Variants in CDHR3 observed in about 807,000 individuals in gnomAD.
The protein encoded by CDHR3 is cadherin-related family member 3.
In CDHR3, 79 loss-of-function variants were observed where a neutral mutation model predicts 86.6. The observed-to-expected ratio is 0.91, with a 90% CI of 0.76 to 1.10. CDHR3 has a LOEUF of 1.10. CDHR3 is among the 50% of genes least tolerant of loss of function. The pLI is 0.00. For missense variants in CDHR3, 1,081 were observed against 1,077.6 expected (o/e 1.00, Z -0.04); for synonymous variants, 421 against 402.4 (o/e 1.05, Z -0.55).
rs59804877 is a variant in CDHR3 at position 106,028,116 on chromosome 7, TTAAAATAAAATAAAATAAAATAAAA to T, written c.2273-394_2273-370del. Among the ~76,000 whole-genome samples, 474 of 120,282 alleles carry T rather than the reference TTAAAATAAAATAAAATAAAATAAAA, an allele frequency of 3.9e-3. 2 individuals carry two copies. Among genetic ancestry groups the T allele is most frequent in the South Asian group, 6.0e-3 (20 of 3,334 alleles). 78.9% of individuals were successfully genotyped at this position (120,282 alleles called of 152,430 possible). On this transcript the variant is annotated intron_variant, in intron 16 of 18. Coordinates refer to ENST00000317716, the MANE Select transcript of CDHR3 (RefSeq NM_152750.5). Reference sequence around the variant, plus strand: ...TGGACGACAAGAGTGAGACCCTGTCTTAAAATAAAATAAAATAAAATAAAATAAAATAAAATAAAATAAAATAAAA... The same window carrying T: ...TGGACGACAAGAGTGAGACCCTGTCTTAAAATAAAATAAAATAAAATAAAA...
intron 10 of CDHR3, 170 bp from the exon 11 acceptor site, chr7:106,015,757 T>C (rs1482888930): frequency 1.5e-6 from 1 of 667,426 alleles, no homozygotes; most frequent in East Asian, 2.8e-5. Flanking sequence ...CTCATGCGCT[T>C]ATCAAAGGGT....
intron 6 of CDHR3, among the ~76,000 whole-genome samples, chr7:105,999,618 G>A (rs1832817011): frequency 1.3e-5 from 2 of 152,204 alleles, no homozygotes; most frequent in Non-Finnish European, 2.9e-5. Flanking sequence ...TGAGAAGGAA[G>A]GAGGGATGAT....
intron 6 of CDHR3, among the ~76,000 whole-genome samples, chr7:105,997,449 G>C (rs141140503): frequency 4.7e-4 from 72 of 152,308 alleles, no homozygotes; most frequent in African/African-American, 1.7e-3. Context: ...ATCAGCACCT[G>C]ATGCTGGGTT....
intron 2 of CDHR3, among the ~76,000 whole-genome samples, chr7:105,980,327 C>G (rs1041148190): frequency 6.6e-6 from 1 of 152,126 alleles, no homozygotes; most frequent in Non-Finnish European, 1.5e-5. Flanking sequence ...CCTGCAGCAA[C>G]CTTACGCGTA....
intron 3 of CDHR3, among the ~76,000 whole-genome samples, chr7:105,983,892 C>T (rs1830148453): frequency 6.6e-6 from 1 of 152,128 alleles, no homozygotes; most frequent in Non-Finnish European, 1.5e-5. Context: ...CAACTCTCTG[C>T]CCTATCACCT....
In CDHR3 at chr7:106,012,858, A is replaced by G. The variant is rs374455959; in HGVS notation, c.1053-2A>G. 3.1e-6 allele frequency: 5 copies of G among 1,593,262 alleles called. No individual in the cohort carries two copies. Among genetic ancestry groups the G allele is most frequent in the Non-Finnish European group, 4.3e-6 (5 of 1,171,034 alleles). ...AAATACTGGATTGTGTCTTTTCACCAGCATTATGGTGCCGGAAAGAACAGC... is the reference window on the plus strand; with the variant it reads ...AAATACTGGATTGTGTCTTTTCACCGGCATTATGGTGCCGGAAAGAACAGC... On this transcript the variant is annotated splice_acceptor_variant, in intron 8 of 18. Coordinates refer to ENST00000317716, the MANE Select transcript of CDHR3 (RefSeq NM_152750.5). LOFTEE classifies it high-confidence loss of function.
intron 2 of CDHR3, among the ~76,000 whole-genome samples, chr7:105,975,393 A>C (rs932886138): frequency 1.3e-5 from 2 of 152,148 alleles, no homozygotes; most frequent in Non-Finnish European, 2.9e-5. Flanking sequence ...GATCTCCCTA[A>C]AAGCCATGCC....
At chr7:106,019,186 G>A (rs1033610229) in intron 12 of CDHR3, among the ~76,000 whole-genome samples, 7 of 152,152 alleles carry the variant, frequency 4.6e-5, no homozygotes, top group African/African-American at 1.7e-4. Context: ...CCAATTTTCC[G>A]AGGGAGTCTG....
rs760242300 is a variant in CDHR3, at chr7:105,969,397, C to CAAAA, written c.47-5427_47-5424dup. The stretch of plus-strand genomic sequence containing the variant: ...CCTGGGCGACAGCGAGACTCCGTCT[C>CAAAA]AAAAAAAAAAAAAAAAAAAAAAAGT... On this transcript the variant is annotated intron_variant, in intron 1 of 18. Coordinates refer to ENST00000317716, the MANE Select transcript of CDHR3 (RefSeq NM_152750.5). 2.9e-3 allele frequency among the ~76,000 whole-genome samples: 229 copies of CAAAA among 79,768 alleles called. 3 individuals are homozygous for CAAAA. Among genetic ancestry groups the CAAAA allele is most frequent in the African/African-American group, 0.011 (194 of 18,456 alleles). 52.3% of individuals were successfully genotyped at this position (79,768 alleles called of 152,430 possible).
At chr7:105,995,324 A>G (rs1443070855) in intron 5 of CDHR3, among the ~76,000 whole-genome samples, 1 of 152,264 alleles carries the variant, frequency 6.6e-6, no homozygotes, top group African/African-American at 2.4e-5. Flanking sequence ...ATACTTCATC[A>G]GCACATAAAT....
chr7:106,021,351 CTG>C (rs2115882469), intron 13 of CDHR3, among the ~76,000 whole-genome samples: 1 of 152,322 alleles, frequency 6.6e-6, no homozygotes, highest in East Asian at 1.9e-4. Context: ...CTCGAGCTGG[CTG>C]TGTCACAAAA....
intron 6 of CDHR3, among the ~76,000 whole-genome samples, chr7:105,999,370 G>T (rs1299483793): frequency 6.6e-6 from 1 of 152,170 alleles, no homozygotes; most frequent in Non-Finnish European, 1.5e-5. Context: ...GGGGATCTGG[G>T]TTCCTGGAGC....
At chr7:105,990,932 G>T (rs977315609) in intron 4 of CDHR3, among the ~76,000 whole-genome samples, 9 of 152,172 alleles carry the variant, frequency 5.9e-5, no homozygotes, top group African/African-American at 2.2e-4. Flanking sequence ...GGAAGGATGG[G>T]CTTCTTGTCT....
intron 6 of CDHR3, among the ~76,000 whole-genome samples, chr7:105,997,668 T>C (rs1184469228): frequency 6.6e-6 from 1 of 151,918 alleles, no homozygotes; most frequent in East Asian, 1.9e-4. Context: ...TCCCCACAAG[T>C]CCCATCTGGG....
chr7:106,032,303 G>A (rs1838494875), intron 18 of CDHR3, 90 bp from the exon 19 acceptor site: 4 of 1,263,648 alleles, frequency 3.2e-6, no homozygotes, highest in Non-Finnish European at 4.4e-6. Flanking sequence ...TCTTCCCTTG[G>A]GAGTCAGAAC....
At chr7:105,998,307 TACAG>T (rs758890090) in intron 6 of CDHR3, among the ~76,000 whole-genome samples, 3 of 152,232 alleles carry the variant, frequency 2.0e-5, no homozygotes, top group Admixed American at 1.3e-4. Context: ...ATGTAAAATG[TACAG>T]ACAGCCTTTC....
At chr7:106,026,327 T>C (rs1837337588) in intron 15 of CDHR3, among the ~76,000 whole-genome samples, 4 of 152,186 alleles carry the variant, frequency 2.6e-5, no homozygotes, top group Admixed American at 6.5e-5. Context: ...CTGCTGGCTC[T>C]TGGGGAGAAA....
At chr7:105,977,190 A>C (rs1335792397) in intron 2 of CDHR3, among the ~76,000 whole-genome samples, 1 of 152,128 alleles carries the variant, frequency 6.6e-6, no homozygotes, top group Non-Finnish European at 1.5e-5. Context: ...TATAACAGAG[A>C]CCCAGCAAGT....
chr7:106,017,951 T>C lies in CDHR3; in HGVS notation c.1532T>C (p.Val511Ala). ...GGGGCCAGCCTCCAGTATCCAAATG[T>C]ATTTTGGATTAATCCCAAGACAGGA... ...TGGASLQYPN[V>A]FWINPKTGEL... is the part of the protein sequence containing the mutation. Residue 511 changes from valine to alanine, a missense_variant, in exon 12 of 19, where the codon GTA becomes GCA. Coordinates refer to ENST00000317716, the MANE Select transcript of CDHR3 (RefSeq NM_152750.5). The C allele has an allele frequency of 6.2e-7, 1 of 1,613,496 alleles. No homozygotes were observed.
Sources: allele counts gnomAD v4.1 joint callset (sites outside exome capture counted in the v4.1 genomes callset), GRCh38; gene constraint gnomAD v4.1.1; transcripts MANE v1.5; gene names NCBI Gene and HGNC (gene_info 2026-07-23, HGNC 2026-07-21).